Variants in KCNMB2 observed in about 807,000 individuals in gnomAD.
KCNMB2 encodes calcium-activated potassium channel subunit beta-2.
A neutral mutation model predicts 24.5 loss-of-function variants in KCNMB2; 9 were observed. The observed-to-expected ratio is 0.37, with a 90% CI of 0.22 to 0.64. The LOEUF is 0.64. Ranked by LOEUF, KCNMB2 falls within the 30% of genes least tolerant of loss-of-function variation. The pLI is 0.63. For missense variants in KCNMB2, 226 were observed against 284.3 expected (o/e 0.79, Z 1.47); for synonymous variants, 109 against 104.4 (o/e 1.04, Z -0.27).
intron 1 of KCNMB2, among the ~76,000 whole-genome samples, chr3:178,597,878 ACTT>A (rs1465006703): frequency 2.6e-5 from 4 of 152,134 alleles, no homozygotes; most frequent in African/African-American, 9.7e-5. Context: ...CTTGGCTACA[ACTT>A]CTTCTTTTGT....
intron 1 of KCNMB2, among the ~76,000 whole-genome samples, chr3:178,730,395 G>C (rs1269130057): frequency 3.5e-5 from 4 of 114,690 alleles, no homozygotes; most frequent in Non-Finnish European, 5.2e-5. Context: ...TGTCACTACT[G>C]TCCCCCAACA....
At chr3:178,797,974 C>T (rs1713618878) in intron 1 of KCNMB2, among the ~76,000 whole-genome samples, 1 of 152,134 alleles carries the variant, frequency 6.6e-6, no homozygotes, top group African/African-American at 2.4e-5. Context: ...GTGACTTTTG[C>T]ACATTGATTT....
chr3:178,822,258 T>C (rs1015615093), intron 2 of KCNMB2, among the ~76,000 whole-genome samples: 1 of 152,218 alleles, frequency 6.6e-6, no homozygotes, highest in South Asian at 2.1e-4. Flanking sequence ...CTTTGACTCT[T>C]TGTCTCATTT....
intron 1 of KCNMB2, among the ~76,000 whole-genome samples, chr3:178,765,981 C>G (rs1240399673): frequency 6.6e-6 from 1 of 152,120 alleles, no homozygotes; most frequent in East Asian, 1.9e-4. Flanking sequence ...TTTCTTCCTT[C>G]TTAATCTAAG....
At chr3:178,784,936 G>C (rs908236150) in intron 1 of KCNMB2, among the ~76,000 whole-genome samples, 1 of 149,592 alleles carries the variant, frequency 6.7e-6, no homozygotes, top group South Asian at 2.1e-4. Context: ...CTTAATGTTG[G>C]CATCTGGCCC....
At chr3:178,738,831 T>A (rs750565532) in intron 1 of KCNMB2, among the ~76,000 whole-genome samples, 36 of 152,270 alleles carry the variant, frequency 2.4e-4, no homozygotes, top group Admixed American at 8.5e-4. Flanking sequence ...ATCTATAGTT[T>A]GTAATAACAT....
At chr3:178,831,297 G>A (rs936071993) in intron 4 of KCNMB2, among the ~76,000 whole-genome samples, 1 of 152,116 alleles carries the variant, frequency 6.6e-6, no homozygotes, top group Non-Finnish European at 1.5e-5. Context: ...AAAAAGGAAC[G>A]CCTATCCACT....
chr3:178,688,590 C>A (rs952305985), intron 1 of KCNMB2, among the ~76,000 whole-genome samples: 1 of 152,212 alleles, frequency 6.6e-6, no homozygotes, highest in Middle Eastern at 3.4e-3. Context: ...ATACATATCC[C>A]AGAGGCCTGA....
At chr3:178,645,832 CAT>C (rs1298415204) in intron 1 of KCNMB2, among the ~76,000 whole-genome samples, 53 of 152,250 alleles carry the variant, frequency 3.5e-4, no homozygotes, top group Admixed American at 3.3e-3. Flanking sequence ...GTCTGCGAAA[CAT>C]ATGTGTCCAA....
chr3:178,596,183 T>C (rs1051176026), intron 1 of KCNMB2, among the ~76,000 whole-genome samples: 3 of 152,134 alleles, frequency 2.0e-5, no homozygotes, highest in African/African-American at 7.2e-5. Flanking sequence ...TTTTGTTAAC[T>C]AAGTTTCTGA....
intron 1 of KCNMB2, among the ~76,000 whole-genome samples, chr3:178,765,479 T>G (rs914394298): frequency 1.3e-5 from 2 of 152,198 alleles, no homozygotes; most frequent in Admixed American, 6.5e-5. Flanking sequence ...AGGCCAGATT[T>G]TTAAAAAGGT....
At chr3:178,733,502 A>G (rs1294504128) in intron 1 of KCNMB2, among the ~76,000 whole-genome samples, 2 of 152,066 alleles carry the variant, frequency 1.3e-5, no homozygotes, top group Non-Finnish European at 2.9e-5. Context: ...ATTTTTTGAG[A>G]CAGAGTCTCG....
At chr3:178,720,139 C>A (rs1427894972) in intron 1 of KCNMB2, among the ~76,000 whole-genome samples, 1 of 152,050 alleles carries the variant, frequency 6.6e-6, no homozygotes, top group Middle Eastern at 3.2e-3. Context: ...ACTCCACCCA[C>A]CCCACAACAG....
chr3:178,702,658 T>C (rs1179517212), intron 1 of KCNMB2, among the ~76,000 whole-genome samples: 1 of 152,146 alleles, frequency 6.6e-6, no homozygotes, highest in Non-Finnish European at 1.5e-5. Flanking sequence ...TTTCATCTAA[T>C]GATTTTTTAA....
intron 1 of KCNMB2, among the ~76,000 whole-genome samples, chr3:178,772,525 T>C (rs1282627255): frequency 6.6e-6 from 1 of 152,196 alleles, no homozygotes; most frequent in Non-Finnish European, 1.5e-5. Context: ...AGACGTGTCT[T>C]TCACCTTCTG....
chr3:178,786,171 C>T (rs1244057217), intron 1 of KCNMB2, among the ~76,000 whole-genome samples: 1 of 152,142 alleles, frequency 6.6e-6, no homozygotes, highest in Admixed American at 6.6e-5. Flanking sequence ...GTTCAGTATG[C>T]TGGTTTCCTT....
intron 4 of KCNMB2, among the ~76,000 whole-genome samples, chr3:178,832,091 C>T (rs1168689703): frequency 2.0e-5 from 3 of 151,854 alleles, no homozygotes; most frequent in African/African-American, 7.3e-5. Flanking sequence ...TATTCGTATT[C>T]CTTTATCTCT....
intron 1 of KCNMB2, among the ~76,000 whole-genome samples, chr3:178,754,938 G>A (rs1172706828): frequency 6.6e-6 from 1 of 152,202 alleles, no homozygotes; most frequent in Non-Finnish European, 1.5e-5. Flanking sequence ...GTGCCATTGT[G>A]CACTCCATGT....
chr3:178,720,987 C>A (rs1277795128), intron 1 of KCNMB2, among the ~76,000 whole-genome samples: 2 of 151,818 alleles, frequency 1.3e-5, no homozygotes, highest in African/African-American at 2.4e-5. Flanking sequence ...AATTAGATCC[C>A]ATTTGTCAAT....
Sources: gnomAD v4.1 joint callset for allele counts (sites outside exome capture counted in the v4.1 genomes callset) on GRCh38, gnomAD v4.1.1 for gene constraint, MANE v1.5 for transcripts, NCBI Gene and HGNC (gene_info 2026-07-23, HGNC 2026-07-21) for gene names.